Variants in SMAD2 observed in about 807,000 individuals in gnomAD.
The protein encoded by SMAD2 is MAD homolog 2.
A neutral mutation model predicts 64.4 loss-of-function variants in SMAD2; 8 were observed. That is an observed-to-expected ratio of 0.12 (90% CI 0.07 to 0.22). SMAD2 has a LOEUF of 0.22. SMAD2 is among the 10% of genes least tolerant of loss of function. The pLI, the probability that SMAD2 is intolerant of heterozygous loss-of-function variation, is 1.00. For missense variants in SMAD2, 289 were observed against 561.2 expected, an observed-to-expected ratio of 0.51 and a Z score of 4.90; for synonymous variants, 203 against 195.8, an observed-to-expected ratio of 1.04 and a Z score of -0.31.
chr18:47,863,549 C>T (rs575435821), intron 6 of SMAD2, among the ~76,000 whole-genome samples: 26 of 151,944 alleles, frequency 1.7e-4, no homozygotes, highest in African/African-American at 6.0e-4. Flanking sequence ...AGAATCCCTG[C>T]AGCCTTTTTT....
At position 47,822,296 on chromosome 18, in the gene SMAD2, T is replaced by C. The variant is rs971560853; in HGVS notation, c.*19531A>G. On this transcript the variant is annotated 3_prime_UTR_variant, in exon 11 of 11. Transcript: ENST00000262160. ...TCTAAGTTTTTGTAATTCCCAGTTA[T>C]TGCTTTTTCTCTAAAAGCATTTGCA... The C allele has an allele frequency of 6.6e-6, 1 of 152,224 alleles. No individual in the cohort carries two copies. The highest frequency in any genetic ancestry group is 2.4e-5 in the African/African-American group (1 of 41,464). The allele number at this position is 152,224 out of a possible 1,614,324, so 9.4% of individuals were successfully genotyped here. A position where few individuals can be genotyped will look rare whatever the true frequency, so the allele number is the denominator to read the frequency against.
intron 1 of SMAD2, 132 bp from the exon 2 acceptor site, chr18:47,896,941 C>A: frequency 2.6e-6 from 2 of 760,012 alleles, no homozygotes; most frequent in Non-Finnish European, 4.3e-6. Context: ...GACTTCTCCA[C>A]CCATGAAAAC....
intron 1 of SMAD2, among the ~76,000 whole-genome samples, chr18:47,913,308 T>C (rs1216355042): frequency 6.6e-6 from 1 of 152,232 alleles, no homozygotes; most frequent in Non-Finnish European, 1.5e-5. Context: ...CTTTACAATA[T>C]TGTTTCTTCA....
At chr18:47,850,674 TA>T (rs2029874516) in intron 7 of SMAD2, among the ~76,000 whole-genome samples, 1 of 41,002 alleles carries the variant, frequency 2.4e-5, no homozygotes, top group Non-Finnish European at 4.3e-5. Context: ...ACTATATATA[TA>T]TTATATATAT....
intron 1 of SMAD2, among the ~76,000 whole-genome samples, chr18:47,907,644 T>C (rs1568105392): frequency 6.6e-6 from 1 of 152,120 alleles, no homozygotes; most frequent in Non-Finnish European, 1.5e-5. Flanking sequence ...CACACATGAG[T>C]ACAAGTTACC....
rs1250359169 is a variant in SMAD2 at position 47,827,525 on chromosome 18, TGCCGA to T, written c.*14297_*14301del. On this transcript the variant is annotated 3_prime_UTR_variant, in exon 11 of 11. Transcript: ENST00000262160. The stretch of plus-strand genomic sequence containing the variant: ...CCCACTTTCCACCGTCTCCCTCTGA[TGCCGA>T]GCCAAGGCTGGACTGTACTGCCGCC... 6.6e-6 allele frequency: 1 copy of T among 152,414 alleles called. No homozygotes were observed. Among genetic ancestry groups the T allele is most frequent in the Non-Finnish European group, 1.5e-5 (1 of 68,212 alleles). 9.4% of individuals were successfully genotyped at this position (152,414 alleles called of 1,614,324 possible). A position where few individuals can be genotyped will look rare whatever the true frequency, so the allele number is the denominator to read the frequency against.
Position 47,834,863 on chromosome 18 carries a change from G to A in SMAD2, c.*6964C>T, listed in dbSNP as rs1190898818. 1 of 221,158 alleles carries A rather than the reference G, an allele frequency of 4.5e-6. No homozygotes were observed. The highest frequency in any genetic ancestry group is 9.1e-6 in the Non-Finnish European group (1 of 110,410). 13.7% of individuals were successfully genotyped at this position (221,158 alleles called of 1,614,324 possible). The stretch of plus-strand genomic sequence containing the variant: ...TAGGTGAAAATATTCTATGCCAACT[G>A]TTTTCCACAGTCCTGCATTATATAT... On this transcript the variant is annotated 3_prime_UTR_variant, in exon 11 of 11. Coordinates refer to ENST00000262160, the MANE Select transcript of SMAD2 (RefSeq NM_005901.6).
At chr18:47,852,576 GT>G (rs775569529) in intron 6 of SMAD2, among the ~76,000 whole-genome samples, 72 of 152,278 alleles carry the variant, frequency 4.7e-4, no homozygotes, top group South Asian at 1.2e-3. Flanking sequence ...GGTTTAAATA[GT>G]ATTATAACAG....
chr18:47,859,243 G>A (rs763742495), intron 6 of SMAD2, among the ~76,000 whole-genome samples: 9 of 151,988 alleles, frequency 5.9e-5, no homozygotes, highest in Non-Finnish European at 1.3e-4. Context: ...TAAAATCAGA[G>A]CTGAAAATTT....
chr18:47,921,629 C>CAGA (rs967788155), intron 1 of SMAD2, among the ~76,000 whole-genome samples: 13 of 152,088 alleles, frequency 8.5e-5, no homozygotes, highest in South Asian at 4.1e-4. Context: ...TCAATGATAC[C>CAGA]AGAACACTTT....
chr18:47,901,208 TA>T (rs140017600), intron 1 of SMAD2, among the ~76,000 whole-genome samples: 2,258 of 152,278 alleles, frequency 0.015, 61 homozygotes, highest in African/African-American at 0.052. Context: ...TGGGTACACA[TA>T]AAGGATTGTG....
chr18:47,825,326 T>C lies in SMAD2; in HGVS notation c.*16501A>G, dbSNP rs984095339. 1 of 152,176 alleles carries C rather than the reference T, an allele frequency of 6.6e-6. No individual in the cohort carries two copies. The highest frequency in any genetic ancestry group is 2.4e-5 in the African/African-American group (1 of 41,422). The allele number at this position is 152,176 out of a possible 1,614,324, so 9.4% of individuals were successfully genotyped here. ...TTGAGAGCTGGGGCCTAGTGGGAGATGTTTGGTTCACTGAGGCAGATGCTT... is the reference window on the plus strand; with the variant it reads ...TTGAGAGCTGGGGCCTAGTGGGAGACGTTTGGTTCACTGAGGCAGATGCTT... On this transcript the variant is annotated 3_prime_UTR_variant, in exon 11 of 11. Coordinates refer to ENST00000262160, the MANE Select transcript of SMAD2 (RefSeq NM_005901.6).
At chr18:47,878,728 A>T (rs1245732405) in intron 2 of SMAD2, among the ~76,000 whole-genome samples, 2 of 152,206 alleles carry the variant, frequency 1.3e-5, no homozygotes, top group Admixed American at 6.5e-5. Flanking sequence ...AACTTCTCAG[A>T]TACTTCCATG....
At chr18:47,912,132 G>C (rs75632520) in intron 1 of SMAD2, 1 of 152,152 alleles carries the variant, frequency 6.6e-6, no homozygotes, top group African/African-American at 2.4e-5. Flanking sequence ...TCTAAAGACA[G>C]GAAACGTTTT....
chr18:47,927,305 C>G (rs2034804642), intron 1 of SMAD2, among the ~76,000 whole-genome samples: 1 of 100,296 alleles, frequency 1.0e-5, no homozygotes, highest in Non-Finnish European at 1.9e-5. Context: ...ACAGATTGTT[C>G]CCAGTGACAC....
Position 47,833,593 on chromosome 18 carries a change from C to T in SMAD2, c.*8234G>A, listed in dbSNP as rs147207764. On this transcript the variant is annotated 3_prime_UTR_variant, in exon 11 of 11. Transcript: ENST00000262160. ...GTTAATGCCATCAGAGAAAAAAAATCTCACCTCACGTGCTCAATGTTCTAG... is the reference window on the plus strand; with the variant it reads ...GTTAATGCCATCAGAGAAAAAAAATTTCACCTCACGTGCTCAATGTTCTAG... 238 of 231,008 alleles carry T rather than the reference C, an allele frequency of 1.0e-3. 5 individuals carry two copies. In the East Asian group the frequency reaches 0.013, roughly 13 times the overall value. 14.3% of individuals were successfully genotyped at this position (231,008 alleles called of 1,614,324 possible).
chr18:47,810,637 T>C lies in SMAD2; in HGVS notation c.*31190A>G, dbSNP rs1326380119. 1 of 152,016 alleles carries C rather than the reference T, an allele frequency of 6.6e-6. No homozygotes were observed. The highest frequency in any genetic ancestry group is 1.5e-5 in the Non-Finnish European group (1 of 67,994). The allele number at this position is 152,016 out of a possible 1,614,324, so 9.4% of individuals were successfully genotyped here. ...CTGATTGACCAACTAACATTTGACT[T>C]GGAAATATAAATAAAGCCCAGGCAT... On this transcript the variant is annotated 3_prime_UTR_variant, in exon 11 of 11. Transcript: ENST00000262160.
chr18:47,927,853 C>G (rs1329608727), intron 1 of SMAD2, among the ~76,000 whole-genome samples: 1 of 152,162 alleles, frequency 6.6e-6, no homozygotes, highest in African/African-American at 2.4e-5. Flanking sequence ...GAGCCGAGAT[C>G]GTGCCATTGC....
In SMAD2 at chr18:47,831,070, T is replaced by A. The variant is rs1160735241; in HGVS notation, c.*10757A>T. ...TAATCTCAGAACCACTGCCCCCAAA[T>A]GACTGCTCAGAAGCACAATCTCACT... On this transcript the variant is annotated 3_prime_UTR_variant, in exon 11 of 11. Transcript: ENST00000262160. 6.6e-6 allele frequency: 1 copy of A among 152,338 alleles called. No individual in the cohort carries two copies. Among genetic ancestry groups the A allele is most frequent in the Non-Finnish European group, 1.5e-5 (1 of 68,130 alleles). The allele number at this position is 152,338 out of a possible 1,614,324, so 9.4% of individuals were successfully genotyped here. A position where few individuals can be genotyped will look rare whatever the true frequency, so the allele number is the denominator to read the frequency against.
Sources: gnomAD v4.1 joint callset for allele counts (sites outside exome capture counted in the v4.1 genomes callset) on GRCh38, gnomAD v4.1.1 for gene constraint, MANE v1.5 for transcripts, NCBI Gene and HGNC (gene_info 2026-07-23, HGNC 2026-07-21) for gene names.